The following USH2A variants were observed in gnomAD, a reference collection of about 807,000 sequenced individuals.
USH2A encodes Usher syndrome 2A (autosomal recessive, mild).
USH2A carries 443 observed loss-of-function variants against 538.9 expected under a neutral mutation model. That is an observed-to-expected ratio of 0.82 (90% CI 0.76 to 0.89). The LOEUF (loss-of-function observed/expected upper bound fraction) is 0.89. Among genes scored for constraint, USH2A ranks in the 40% least tolerant of loss-of-function variants. The probability of loss-of-function intolerance (pLI) is 0.00; values close to 1 mark genes in which losing one functional copy is unlikely to be tolerated. For missense variants in USH2A, 6,633 were observed against 6,324.8 expected (o/e 1.05, Z -1.65); for synonymous variants, 2,413 against 2,273.5 (o/e 1.06, Z -1.75).
chr1:216,229,618 ATTCT>A (rs2035637095), intron 14 of USH2A, among the ~76,000 whole-genome samples: 1 of 152,086 alleles, frequency 6.6e-6, no homozygotes, highest in Admixed American at 6.6e-5. Flanking sequence ...CCTAGACTGA[ATTCT>A]TTCTTTATTG....
chr1:215,844,028 A>G (rs993310935), intron 46 of USH2A, among the ~76,000 whole-genome samples: 2 of 152,192 alleles, frequency 1.3e-5, no homozygotes, highest in Non-Finnish European at 2.9e-5. Flanking sequence ...TTTAGAATAC[A>G]TGATTAGCTT....
At chr1:215,803,233 T>C (rs573006975) in intron 49 of USH2A, among the ~76,000 whole-genome samples, 1 of 152,298 alleles carries the variant, frequency 6.6e-6, no homozygotes, top group Non-Finnish European at 1.5e-5. Context: ...AAGACAGGGA[T>C]GCCCTCTCTC....
rs78505141 is a variant in USH2A at position 215,982,797 on chromosome 1, A to C, written c.6805+10223T>G. ...CAATCTAAGCGAAAGAACAGACATT[A>C]GAGGTATTATGAGGATGTAAAGTTT... is the stretch of plus-strand genomic sequence containing the variant. On this transcript the variant is annotated intron_variant, in intron 35 of 71. Coordinates refer to ENST00000307340, the MANE Select transcript of USH2A (RefSeq NM_206933.4). 1.0e-3 allele frequency among the ~76,000 whole-genome samples: 155 copies of C among 152,290 alleles called. 1 individual carries two copies. In the East Asian group the frequency reaches 0.025, roughly 25 times the overall value.
At chr1:216,263,638 A>T (rs1471875511) in intron 11 of USH2A, among the ~76,000 whole-genome samples, 1 of 152,184 alleles carries the variant, frequency 6.6e-6, no homozygotes, top group African/African-American at 2.4e-5. Context: ...AAGGCCATAT[A>T]TGACAAACCT....
At chr1:215,675,857 A>T (rs1256515723) in intron 62 of USH2A, among the ~76,000 whole-genome samples, 1 of 152,038 alleles carries the variant, frequency 6.6e-6, no homozygotes. Flanking sequence ...GGAACTACAT[A>T]AACATTTATC....
At chr1:216,082,114 C>T (rs546542514) in intron 26 of USH2A, among the ~76,000 whole-genome samples, 11 of 152,112 alleles carry the variant, frequency 7.2e-5, no homozygotes, top group African/African-American at 1.9e-4. Context: ...GATGACTCAA[C>T]GATGCTCAGT....
rs1307498778 is a variant in USH2A at position 215,687,924 on chromosome 1, T to C, written c.12067-7548A>G. Among the ~76,000 whole-genome samples the C allele has an allele frequency of 2.0e-5, 3 of 152,182 alleles. No individual in the cohort carries two copies. In the East Asian group the frequency reaches 5.8e-4, roughly 29 times the overall value. On this transcript the variant is annotated intron_variant, in intron 61 of 71. Transcript: ENST00000307340. ...GAGGCAAGGTCATTACCTTCCCGAATTTTACATTATAAAGGAGGACAAATG... is the reference window on the plus strand; with the variant it reads ...GAGGCAAGGTCATTACCTTCCCGAACTTTACATTATAAAGGAGGACAAATG...
In USH2A at chr1:215,688,536, C is replaced by T. The variant is rs548262604; in HGVS notation, c.12067-8160G>A. 3.0e-4 allele frequency among the ~76,000 whole-genome samples: 45 copies of T among 152,172 alleles called. No individual in the cohort carries two copies. The South Asian group carries it at 8.5e-3, about 29-fold the overall frequency. On this transcript the variant is annotated intron_variant, in intron 61 of 71. Transcript: ENST00000307340. ...TAGCAAAGAACCATGGACTGAGTTG[C>T]TTTAAACACAGAAGTTCATTTTCTT...
chr1:216,045,503 T>G (rs1034860009), intron 32 of USH2A, among the ~76,000 whole-genome samples: 6 of 152,140 alleles, frequency 3.9e-5, no homozygotes, highest in African/African-American at 1.4e-4. Context: ...TTAGTGAGGA[T>G]TTTAAAGTAT....
At chr1:215,924,366 G>A (rs1485304992) in intron 38 of USH2A, among the ~76,000 whole-genome samples, 1 of 151,916 alleles carries the variant, frequency 6.6e-6, no homozygotes, top group Admixed American at 6.6e-5. Flanking sequence ...AAAAGAGGTT[G>A]GAAATATGGT....
intron 11 of USH2A, among the ~76,000 whole-genome samples, chr1:216,258,983 A>G (rs968936322): frequency 2.1e-4 from 32 of 152,196 alleles, no homozygotes; most frequent in Admixed American, 1.5e-3. Flanking sequence ...CTCTCAACCC[A>G]AATAACATAG....
At chr1:215,976,764 G>T (rs1369222239) in intron 35 of USH2A, among the ~76,000 whole-genome samples, 1 of 152,080 alleles carries the variant, frequency 6.6e-6, no homozygotes, top group African/African-American at 2.4e-5. Context: ...CTAGTATTTT[G>T]TTGAGGACTT....
intron 9 of USH2A, among the ~76,000 whole-genome samples, chr1:216,318,705 C>T (rs545012447): frequency 7.9e-5 from 12 of 152,040 alleles, no homozygotes; most frequent in Non-Finnish European, 1.2e-4. Context: ...TTTAGTTTTT[C>T]ATTTTTGTTT....
At chr1:216,394,939 C>A (rs1252375888) in intron 3 of USH2A, among the ~76,000 whole-genome samples, 1 of 151,914 alleles carries the variant, frequency 6.6e-6, no homozygotes, top group African/African-American at 2.4e-5. Context: ...AGGATGGTCT[C>A]GCTCTCCTGA....
At chr1:215,814,046 G>A in intron 48 of USH2A, 142 bp from the exon 49 acceptor site, 1 of 989,180 alleles carries the variant, frequency 1.0e-6, no homozygotes, top group Non-Finnish European at 1.5e-6. Context: ...GTTTAAAAAT[G>A]TATTTTCCAG....
At chr1:216,319,801 G>C (rs2037572663) in intron 9 of USH2A, among the ~76,000 whole-genome samples, 1 of 152,158 alleles carries the variant, frequency 6.6e-6, no homozygotes, top group Admixed American at 6.5e-5. Context: ...AATTAGATCA[G>C]AGTAAGAATC....
At chr1:216,116,370 A>G (rs1044092943) in intron 21 of USH2A, among the ~76,000 whole-genome samples, 7 of 152,142 alleles carry the variant, frequency 4.6e-5, no homozygotes, top group African/African-American at 1.7e-4. Flanking sequence ...TGGGGGGAAA[A>G]ATAAAATTCC....
intron 3 of USH2A, among the ~76,000 whole-genome samples, chr1:216,403,028 A>C (rs1429716859): frequency 6.6e-6 from 1 of 152,184 alleles, no homozygotes; most frequent in Non-Finnish European, 1.5e-5. Flanking sequence ...AAGAAGAGCA[A>C]ATCAATTCAG....
intron 16 of USH2A, among the ~76,000 whole-genome samples, chr1:216,205,688 T>C (rs1279560505): frequency 6.6e-6 from 1 of 152,196 alleles, no homozygotes; most frequent in Non-Finnish European, 1.5e-5. Flanking sequence ...TTAAGCATGG[T>C]TAAAGTAGAA....
Sources: gnomAD v4.1 joint callset for allele counts (sites outside exome capture counted in the v4.1 genomes callset) on GRCh38, gnomAD v4.1.1 for gene constraint, MANE v1.5 for transcripts, NCBI Gene and HGNC (gene_info 2026-07-23, HGNC 2026-07-21) for gene names.